MED12L: variants seen among roughly 807,000 people sequenced by gnomAD.
The protein encoded by MED12L is mediator complex subunit 12L.
In MED12L, 60 loss-of-function variants were observed where a neutral mutation model predicts 281.3. That is an observed-to-expected ratio of 0.21 (90% CI 0.17 to 0.26). The LOEUF (loss-of-function observed/expected upper bound fraction) is 0.26. Among genes scored for constraint, MED12L ranks in the 10% least tolerant of loss-of-function variants. MED12L has a pLI of 1.00. For missense variants in MED12L, 2,146 were observed against 2,680.9 expected (o/e 0.80, Z 4.41); for synonymous variants, 974 against 987.2 (o/e 0.99, Z 0.25).
At position 151,392,256 on chromosome 3, in the gene MED12L, G is replaced by T. The variant is rs923795654; in HGVS notation, c.5608+2121G>T. Among the ~76,000 whole-genome samples the T allele has an allele frequency of 2.0e-5, 3 of 152,042 alleles. No individual in the cohort carries two copies. In the South Asian group the frequency reaches 6.2e-4, roughly 32 times the overall value. On this transcript the variant is annotated intron_variant, in intron 38 of 44. Coordinates refer to ENST00000687756, the MANE Select transcript of MED12L (RefSeq NM_001393769.1). ...AAGTGGGCAGATCACCTAAGGTCAG[G>T]AGTTAAAGACCAGCCTGGCCAATAT...
chr3:151,434,129 TATTTC>T lies in MED12L; in HGVS notation c.*1330_*1334del, dbSNP rs1719829588. ...GGGGATATTTTCCCATGTTCTCTGT[TATTTC>T]ATTTTCTTTTGCCATATGATTTTAC... On this transcript the variant is annotated 3_prime_UTR_variant, in exon 45 of 45. Coordinates refer to ENST00000687756, the MANE Select transcript of MED12L (RefSeq NM_001393769.1). 6.6e-6 allele frequency: 1 copy of T among 152,356 alleles called. No individual in the cohort carries two copies. The highest frequency in any genetic ancestry group is 1.5e-5 in the Non-Finnish European group (1 of 68,036). The allele number at this position is 152,356 out of a possible 1,614,324, so 9.4% of individuals were successfully genotyped here. A position where few individuals can be genotyped will look rare whatever the true frequency, so the allele number is the denominator to read the frequency against.
At chr3:151,164,939 G>T (rs78027148) in intron 9 of MED12L, among the ~76,000 whole-genome samples, 1 of 151,566 alleles carries the variant, frequency 6.6e-6, no homozygotes, top group South Asian at 2.1e-4. Flanking sequence ...CCAACATGGC[G>T]CATGTATACA....
intron 16 of MED12L, among the ~76,000 whole-genome samples, chr3:151,224,652 G>C (rs1730117359): frequency 6.6e-6 from 1 of 152,176 alleles, no homozygotes; most frequent in South Asian, 2.1e-4. Flanking sequence ...TCTTCACCCA[G>C]AAGAAGGAAT....
intron 23 of MED12L, among the ~76,000 whole-genome samples, chr3:151,366,333 G>A (rs1755264506): frequency 1.3e-5 from 2 of 152,212 alleles, no homozygotes; most frequent in South Asian, 4.1e-4. Flanking sequence ...TCACAGCATG[G>A]GACATAATCT....
chr3:151,416,467 A>C (rs1717569575), intron 43 of MED12L, 45 bp downstream of exon 43: 1 of 1,595,636 alleles, frequency 6.3e-7, no homozygotes. Context: ...TTTCTTCTTT[A>C]AAAGCAGGTT....
At chr3:151,317,435 A>ATTTTT (rs1748411128) in intron 16 of MED12L, among the ~76,000 whole-genome samples, 2 of 54,550 alleles carry the variant, frequency 3.7e-5, no homozygotes, top group African/African-American at 6.4e-5. Flanking sequence ...TAATCATATC[A>ATTTTT]CTTTTTTTTT....
At chr3:151,321,298 A>C (rs1051752662) in intron 16 of MED12L, among the ~76,000 whole-genome samples, 2 of 152,160 alleles carry the variant, frequency 1.3e-5, no homozygotes, top group Non-Finnish European at 2.9e-5. Context: ...AATTGTGGGA[A>C]TCTATAAAAG....
At chr3:151,198,304 G>T (rs994259276) in intron 16 of MED12L, 1 of 696,822 alleles carries the variant, frequency 1.4e-6, no homozygotes, top group African/African-American at 1.8e-5. Flanking sequence ...GTCCATATTT[G>T]CTAGCTAACT....
chr3:151,101,865 A>T (rs1721437398), intron 2 of MED12L, among the ~76,000 whole-genome samples: 1 of 152,224 alleles, frequency 6.6e-6, no homozygotes, highest in African/African-American at 2.4e-5. Flanking sequence ...CCGACTGATC[A>T]GGGCTTTAAA....
intron 16 of MED12L, among the ~76,000 whole-genome samples, chr3:151,227,884 C>T (rs1414274335): frequency 6.6e-6 from 1 of 152,152 alleles, no homozygotes; most frequent in East Asian, 1.9e-4. Flanking sequence ...GGGTGTTTAG[C>T]CGCATCCCTG....
rs142196614 is a variant in MED12L at position 151,121,248 on chromosome 3, T to C, written c.205-1535T>C. Among the ~76,000 whole-genome samples the C allele has an allele frequency of 5.0e-4, 76 of 152,356 alleles. 1 individual carries two copies. The highest frequency in any genetic ancestry group is 1.7e-3 in the African/African-American group (72 of 41,584). On this transcript the variant is annotated intron_variant, in intron 3 of 44. Transcript: ENST00000687756. ...TTTTGCACTTAATTTATTCACTGTT[T>C]GGACATCCTGCAAATATTTGCTTTG...
intron 2 of MED12L, among the ~76,000 whole-genome samples, chr3:151,116,077 A>G (rs1712751116): frequency 6.6e-6 from 1 of 151,882 alleles, no homozygotes; most frequent in African/African-American, 2.4e-5. Flanking sequence ...AAAAAAAAAA[A>G]AAAAAAAAAA....
At chr3:151,388,631 T>C (rs1175094657) in intron 37 of MED12L, among the ~76,000 whole-genome samples, 1 of 152,230 alleles carries the variant, frequency 6.6e-6, no homozygotes, top group Non-Finnish European at 1.5e-5. Flanking sequence ...AGGATGTTCC[T>C]GAGATTTTAT....
intron 16 of MED12L, among the ~76,000 whole-genome samples, chr3:151,313,714 G>T (rs1477203571): frequency 6.6e-6 from 1 of 151,988 alleles, no homozygotes; most frequent in Non-Finnish European, 1.5e-5. Context: ...CATGGTCGTG[G>T]GCGCCTATAA....
chr3:151,387,649 CTCTCCGGTGA>C (rs1305322492), intron 36 of MED12L, among the ~76,000 whole-genome samples, 151 bp from the exon 37 acceptor site: 3 of 152,148 alleles, frequency 2.0e-5, no homozygotes, highest in Admixed American at 1.3e-4. Context: ...CTAGCCACTG[CTCTCCGGTGA>C]TGTAGCTGTG....
At position 151,214,347 on chromosome 3, in the gene MED12L, AG is replaced by A. The variant is rs755257146; in HGVS notation, c.2250+20682del. On this transcript the variant is annotated intron_variant, in intron 16 of 44. Coordinates refer to ENST00000687756, the MANE Select transcript of MED12L (RefSeq NM_001393769.1). ...AACTTCTGAAGGCAGAGGCCTGAAA[AG>A]AGGTGTGAACTGGTCACTCATAGGG... 5 of 1,593,486 alleles carry A rather than the reference AG, an allele frequency of 3.1e-6. No individual in the cohort carries two copies. In the East Asian group the frequency reaches 1.1e-4, roughly 36 times the overall value.
chr3:151,100,150 C>CT, intron 2 of MED12L, among the ~76,000 whole-genome samples: 1 of 152,302 alleles, frequency 6.6e-6, no homozygotes, highest in Non-Finnish European at 1.5e-5. Flanking sequence ...TAAATCTCTT[C>CT]TTCTTAGAAA....
intron 16 of MED12L, chr3:151,213,798 T>C (rs1727621476): frequency 6.2e-7 from 1 of 1,614,094 alleles, no homozygotes; most frequent in African/African-American, 1.3e-5. Flanking sequence ...TTTTCAGTTC[T>C]ATACATTTTA....
chr3:151,282,763 G>T (rs953280132), intron 16 of MED12L, among the ~76,000 whole-genome samples: 2 of 152,184 alleles, frequency 1.3e-5, no homozygotes, highest in South Asian at 4.1e-4. Flanking sequence ...AAAATGTCAC[G>T]CTCAGGACTT....
Sources: gnomAD v4.1 joint callset for allele counts (sites outside exome capture counted in the v4.1 genomes callset) on GRCh38, gnomAD v4.1.1 for gene constraint, MANE v1.5 for transcripts, NCBI Gene and HGNC (gene_info 2026-07-23, HGNC 2026-07-21) for gene names.